WDR76: variants seen among roughly 807,000 people sequenced by gnomAD.
WDR76 encodes WD repeat-containing protein 76.
A neutral mutation model predicts 70.2 loss-of-function variants in WDR76; 52 were observed. The ratio of observed to expected loss-of-function variants is 0.74; its 90% confidence interval spans 0.59 to 0.93. WDR76 has a LOEUF of 0.93. Ranked by LOEUF, WDR76 falls within the 40% of genes least tolerant of loss-of-function variation. WDR76 has a pLI of 0.00. For missense variants in WDR76, 756 were observed against 760.2 expected, an observed-to-expected ratio of 0.99 and a Z score of 0.07; for synonymous variants, 292 against 271.1, an observed-to-expected ratio of 1.08 and a Z score of -0.76.
chr15:43,834,958 T>C (rs991539627), intron 2 of WDR76, 103 bp from the exon 3 acceptor site: 68 of 929,506 alleles, frequency 7.3e-5, no homozygotes, highest in Middle Eastern at 2.3e-4. Flanking sequence ...ATAGTACAAT[T>C]TGAAGTAAAG....
chr15:43,861,206 A>T, intron 11 of WDR76, 127 bp from the exon 12 acceptor site: 1 of 821,316 alleles, frequency 1.2e-6, no homozygotes, highest in Non-Finnish European at 2.0e-6. Context: ...GCCTGATCCT[A>T]CATATTTTTA....
chr15:43,828,666 C>T (rs1447813203), intron 2 of WDR76, among the ~76,000 whole-genome samples: 1 of 152,092 alleles, frequency 6.6e-6, no homozygotes, highest in Non-Finnish European at 1.5e-5. Context: ...CTTTATGGTG[C>T]CTTTCTCACC....
chr15:43,829,841 A>G (rs1439185504), intron 2 of WDR76, among the ~76,000 whole-genome samples: 2 of 151,890 alleles, frequency 1.3e-5, no homozygotes, highest in South Asian at 4.2e-4. Flanking sequence ...TGTTCCTTTA[A>G]GCAAATGACC....
chr15:43,855,089 T>G (rs945122655), intron 9 of WDR76, among the ~76,000 whole-genome samples: 1 of 152,248 alleles, frequency 6.6e-6, no homozygotes, highest in African/African-American at 2.4e-5. Context: ...TTTTTCTGAA[T>G]GTCAGGCAGT....
At position 43,867,413 on chromosome 15, in the gene WDR76, A is replaced by AC; in HGVS notation, c.*1022dup. On this transcript the variant is annotated 3_prime_UTR_variant, in exon 13 of 13. Transcript: ENST00000263795. ...TCTTCACATGAAATCAAGTTAGATG[A>AC]CAATGACTGGTGTTGAAAAAAATGA... is the stretch of plus-strand genomic sequence containing the variant. The AC allele has an allele frequency of 6.6e-6, 1 of 152,188 alleles. No homozygotes were observed. Among genetic ancestry groups the AC allele is most frequent in the East Asian group, 1.9e-4 (1 of 5,206 alleles). The allele number at this position is 152,188 out of a possible 1,614,324, so 9.4% of individuals were successfully genotyped here.
At position 43,858,689 on chromosome 15, in the gene WDR76, T is replaced by A. The variant is rs1200099190; in HGVS notation, c.1428T>A (p.Asp476Glu). Residue 476 changes from aspartate to glutamate, a missense_variant, in exon 11 of 13, where the codon GAT becomes GAA. Physicochemically the swap from Asp to Glu is conservative, Grantham distance 45. Transcript: ENST00000263795. ...TAGLRDTHIY[D>E]ARRLNSRRSQ... ...ATTACAGGGATACTCATATTTATGA[T>A]GCAAGGCGATTGAATTCCAGGAGAA... The A allele has an allele frequency of 6.2e-7, 1 of 1,614,092 alleles. No homozygotes were observed.
chr15:43,846,124 A>G (rs2087785473), intron 8 of WDR76, among the ~76,000 whole-genome samples: 1 of 150,028 alleles, frequency 6.7e-6, no homozygotes, highest in Non-Finnish European at 1.5e-5. Context: ...CAGAGAAGTT[A>G]AAAGAATGGA....
intron 4 of WDR76, among the ~76,000 whole-genome samples, chr15:43,838,554 T>G (rs1423646434): frequency 6.6e-6 from 1 of 152,246 alleles, no homozygotes; most frequent in African/African-American, 2.4e-5. Flanking sequence ...TGTCTTTTTT[T>G]GGTGTTCACA....
At chr15:43,855,866 G>A (rs1276862847) in intron 9 of WDR76, among the ~76,000 whole-genome samples, 1 of 150,778 alleles carries the variant, frequency 6.6e-6, no homozygotes, top group Non-Finnish European at 1.5e-5. Flanking sequence ...AAAAAAACAC[G>A]CTCATGATAA....
chr15:43,847,796 A>AT lies in WDR76; in HGVS notation c.1033-3287dup, dbSNP rs776643199. Among the ~76,000 whole-genome samples, 7 of 152,056 alleles carry AT rather than the reference A, an allele frequency of 4.6e-5. No homozygotes were observed. The East Asian group carries it at 7.7e-4, about 17-fold the overall frequency. On this transcript the variant is annotated intron_variant, in intron 8 of 12. Transcript: ENST00000263795. ...GATCTGGAACTCCTGACCTCAAGTG[A>AT]TTTTCACCTGCTTCGGCCTCCCAGA...
intron 2 of WDR76, among the ~76,000 whole-genome samples, chr15:43,830,348 A>C (rs1489667708): frequency 6.6e-6 from 1 of 152,092 alleles, no homozygotes; most frequent in Non-Finnish European, 1.5e-5. Flanking sequence ...GGATCACCTG[A>C]GGTGGGGAGT....
intron 2 of WDR76, among the ~76,000 whole-genome samples, chr15:43,832,743 GTTTTTTTTTTTTTT>G (rs201304087): frequency 1.5e-5 from 1 of 68,074 alleles, no homozygotes; most frequent in East Asian, 5.2e-4. Context: ...GGCTTGCTTT[GTTTTTTTTTTTTTT>G]TTTTTTTTTT....
At chr15:43,829,052 G>A (rs1247206182) in intron 2 of WDR76, among the ~76,000 whole-genome samples, 1 of 151,918 alleles carries the variant, frequency 6.6e-6, no homozygotes, top group Non-Finnish European at 1.5e-5. Flanking sequence ...ACAGGCGCGT[G>A]CCACCACACC....
At chr15:43,857,285 A>C in intron 10 of WDR76, 122 bp downstream of exon 10, 1 of 1,111,552 alleles carries the variant, frequency 9.0e-7, no homozygotes. Context: ...TAATACCCAA[A>C]GGCCAAGTAA....
Position 43,835,089 on chromosome 15 carries a change from G to A in WDR76, c.491G>A (p.Arg164Lys), listed in dbSNP as rs756340221. ...TTTTCGGGATTGTCACCCTACGAAA[G>A]GAAGAGACTGAAGAACATATCAGAA... ...LDFSGLSPYE[R>K]KRLKNISENA... The change falls in exon 3 of 13, where the codon AGG (arginine) becomes AAG (lysine). Residue 164 changes from arginine (R) to lysine (K), a missense_variant. Physicochemically the swap from Arg to Lys is conservative, Grantham distance 26. Transcript: ENST00000263795. The A allele has an allele frequency of 1.2e-6, 2 of 1,614,134 alleles. No homozygotes were observed. The highest frequency in any genetic ancestry group is 1.7e-6 in the Non-Finnish European group (2 of 1,180,012).
intron 8 of WDR76, among the ~76,000 whole-genome samples, chr15:43,846,645 G>GTT (rs67188989): frequency 1.5e-5 from 2 of 133,270 alleles, no homozygotes; most frequent in African/African-American, 5.0e-5. Context: ...TTAAATGAAG[G>GTT]TTTTTTTTTG....
chr15:43,849,676 T>TA (rs1174316129), intron 8 of WDR76, among the ~76,000 whole-genome samples: 1 of 152,182 alleles, frequency 6.6e-6, no homozygotes, highest in East Asian at 1.9e-4. Flanking sequence ...TAGCTGGAAT[T>TA]ACAGGTGTCT....
In WDR76 at chr15:43,866,220, A is replaced by AC; in HGVS notation, c.1709_1710insC (p.Pro571SerfsTer9). The AC allele has an allele frequency of 6.2e-7, 1 of 1,614,232 alleles. No individual in the cohort carries two copies. Among genetic ancestry groups the AC allele is most frequent in the Admixed American group, 1.7e-5 (1 of 60,022 alleles). ...TGTGTCATAGTTGGCAGCATGGCCCATCCACGACGGGTAGAAATCTTCCAT... is the reference window on the plus strand; with the variant it reads ...TGTGTCATAGTTGGCAGCATGGCCCACTCCACGACGGGTAGAAATCTTCCAT... On this transcript the variant is annotated frameshift_variant, in exon 13 of 13. Coordinates refer to ENST00000263795, the MANE Select transcript of WDR76 (RefSeq NM_024908.4). LOFTEE classifies it high-confidence loss of function.
intron 5 of WDR76, among the ~76,000 whole-genome samples, chr15:43,841,201 GTTTT>G (rs910565504): frequency 9.8e-6 from 1 of 102,268 alleles, no homozygotes; most frequent in Admixed American, 1.0e-4. Flanking sequence ...TTGTTTTTTT[GTTTT>G]TTTTTTTTTT....
Sources: allele counts gnomAD v4.1 joint callset (sites outside exome capture counted in the v4.1 genomes callset), GRCh38; gene constraint gnomAD v4.1.1; transcripts MANE v1.5; gene names NCBI Gene and HGNC (gene_info 2026-07-23, HGNC 2026-07-21).